Variants in CLIP4 observed in about 807,000 individuals in gnomAD.
The protein encoded by CLIP4 is CAP-Gly domain-containing linker protein 4.
A neutral mutation model predicts 73.1 loss-of-function variants in CLIP4; 47 were observed. The ratio of observed to expected loss-of-function variants is 0.64; its 90% CI spans 0.51 to 0.82. The LOEUF (loss-of-function observed/expected upper bound fraction) is 0.82. CLIP4 is among the 40% of genes least tolerant of loss of function. The probability of loss-of-function intolerance (pLI) is 0.00; values close to 1 mark genes in which losing one functional copy is unlikely to be tolerated. For missense variants in CLIP4, 874 were observed against 852.9 expected (o/e 1.02, Z -0.31); for synonymous variants, 306 against 295.4 (o/e 1.04, Z -0.37).
chr2:29,145,569 T>A (rs531805267), intron 8 of CLIP4, among the ~76,000 whole-genome samples: 18 of 152,250 alleles, frequency 1.2e-4, no homozygotes, highest in Non-Finnish European at 2.6e-4. Context: ...GGAGAAATGG[T>A]GGTTGCAGGA....
At position 29,182,668 on chromosome 2, in the gene CLIP4, T is replaced by G. The variant is rs1430836396; in HGVS notation, c.*775T>G. 1.3e-5 allele frequency: 2 copies of G among 152,620 alleles called. No individual in the cohort carries two copies. The highest frequency in any genetic ancestry group is 2.9e-5 in the Non-Finnish European group (2 of 68,024). The allele number at this position is 152,620 out of a possible 1,614,324, so 9.5% of individuals were successfully genotyped here. A position where few individuals can be genotyped will look rare whatever the true frequency, so the allele number is the denominator to read the frequency against. On this transcript the variant is annotated 3_prime_UTR_variant, in exon 16 of 16. Coordinates refer to ENST00000320081, the MANE Select transcript of CLIP4 (RefSeq NM_024692.6). ...CTGCTGCTTGACTGCTTCATCTGGA[T>G]GAACTACAAAAAACCCATGATTAAG...
Position 29,157,299 on chromosome 2 carries a change from A to C in CLIP4, c.1351A>C (p.Lys451Gln), listed in dbSNP as rs183991359. Residue 451 changes from lysine (K) to glutamine (Q), a missense_variant, in exon 11 of 16, where the codon AAG becomes CAG. Coordinates refer to ENST00000320081, the MANE Select transcript of CLIP4 (RefSeq NM_024692.6). ...GAAACAGAATGCAATCAGCAGTAAC[A>C]AGAAGACAATGAGCAAAAGCCCTTC... is the stretch of plus-strand genomic sequence containing the variant. ...PKKQNAISSNKKTMSKSPSLS... is the reference protein window; with the variant it reads ...PKKQNAISSNQKTMSKSPSLS... 5 of 1,614,126 alleles carry C rather than the reference A, an allele frequency of 3.1e-6. No homozygotes were observed. The Admixed American group carries it at 5.0e-5, about 16-fold the overall frequency.
In CLIP4 at chr2:29,131,235, A is replaced by AT. The variant is rs1390878380; in HGVS notation, c.134-20dup. The AT allele has an allele frequency of 1.9e-6, 3 of 1,554,536 alleles. No homozygotes were observed. The South Asian group carries it at 3.6e-5, about 18-fold the overall frequency. ...TTATTTGAAACTTTTAGTAAATTTA[A>AT]TTTGCATCTTTTTTTATTTCAGAAT... On this transcript the variant is annotated intron_variant, in intron 2 of 15. Coordinates refer to ENST00000320081, the MANE Select transcript of CLIP4 (RefSeq NM_024692.6).
chr2:29,125,193 G>A (rs6547911), intron 2 of CLIP4, among the ~76,000 whole-genome samples: 121,693 of 152,068 alleles, frequency 0.8, 48,968 homozygotes, highest in East Asian at 0.94. Context: ...CTACGGACTG[G>A]TACTGGTCCC....
At chr2:29,107,370 T>TGTTTTTTG (rs796768019) in intron 1 of CLIP4, among the ~76,000 whole-genome samples, 11 of 114,920 alleles carry the variant, frequency 9.6e-5, no homozygotes, top group African/African-American at 3.9e-4. Flanking sequence ...TTTTTTTTTT[T>TGTTTTTTG]TTTTTTTTTT....
At chr2:29,181,344 C>A (rs957378926) in intron 15 of CLIP4, among the ~76,000 whole-genome samples, 2 of 152,112 alleles carry the variant, frequency 1.3e-5, no homozygotes, top group African/African-American at 2.4e-5. Context: ...GTGGAAGAAA[C>A]TTCTGTGTAT....
At chr2:29,151,850 C>A (rs76308689) in intron 8 of CLIP4, among the ~76,000 whole-genome samples, 2 of 152,002 alleles carry the variant, frequency 1.3e-5, no homozygotes, top group South Asian at 2.1e-4. Flanking sequence ...TCTCTAATGT[C>A]GGTGCATACT....
Position 29,175,884 on chromosome 2 carries a change from C to T in CLIP4, c.1796+1439C>T, listed in dbSNP as rs567832391. Among the ~76,000 whole-genome samples, 196 of 152,122 alleles carry T rather than the reference C, an allele frequency of 1.3e-3. 1 individual carries two copies. Among genetic ancestry groups the T allele is most frequent in the African/African-American group, 4.6e-3 (189 of 41,514 alleles). On this transcript the variant is annotated intron_variant, in intron 15 of 15. Coordinates refer to ENST00000320081, the MANE Select transcript of CLIP4 (RefSeq NM_024692.6). ...TCACGCCATTCTTCTGTCTCAGCCT[C>T]CCAAGCAGCTGGGACTACAGGCGCC...
rs1213522443 is a variant in CLIP4 at position 29,115,786 on chromosome 2, A to C, written c.-16+121A>C. 3 of 150,484 alleles carry C rather than the reference A, an allele frequency of 2.0e-5. No individual in the cohort carries two copies. Among genetic ancestry groups the C allele is most frequent in the African/African-American group, 7.3e-5 (3 of 40,856 alleles). 9.3% of individuals were successfully genotyped at this position (150,484 alleles called of 1,614,324 possible). ...CAGTGGCCCCGGGAGGGTCGCGCAG[A>C]GGCGCTGGGGGCTGTGGAAGCCCCG... is the stretch of plus-strand genomic sequence containing the variant. On this transcript the variant is annotated intron_variant, in intron 1 of 15. Coordinates refer to ENST00000320081, the MANE Select transcript of CLIP4 (RefSeq NM_024692.6). The surrounding 1 kb of genome is among the most constrained non-coding windows in gnomAD (Gnocchi z 5.1).
intron 15 of CLIP4, among the ~76,000 whole-genome samples, chr2:29,177,094 C>T (rs1367734885): frequency 6.6e-6 from 1 of 152,010 alleles, no homozygotes; most frequent in Non-Finnish European, 1.5e-5. Context: ...AAACTGTATG[C>T]TTTTCAGGAG....
intron 1 of CLIP4, among the ~76,000 whole-genome samples, chr2:29,101,003 G>T (rs1245633802): frequency 6.6e-6 from 1 of 152,094 alleles, no homozygotes; most frequent in Non-Finnish European, 1.5e-5. Context: ...CAAAAGTAGG[G>T]AAGCCGCCCA....
intron 14 of CLIP4, among the ~76,000 whole-genome samples, chr2:29,168,509 G>T (rs774227408): frequency 3.2e-5 from 4 of 123,568 alleles, no homozygotes; most frequent in Admixed American, 2.5e-4. Context: ...GTTATGGTTT[G>T]CCCTTTTTTT....
chr2:29,145,627 G>T (rs190783304), intron 8 of CLIP4, among the ~76,000 whole-genome samples: 1 of 152,240 alleles, frequency 6.6e-6, no homozygotes, highest in East Asian at 1.9e-4. Flanking sequence ...ACTTGAAAGG[G>T]AAAAGGATTT....
chr2:29,135,688 G>C, intron 6 of CLIP4, 22 bp downstream of exon 6: 4 of 1,481,172 alleles, frequency 2.7e-6, no homozygotes, highest in Non-Finnish European at 3.7e-6. Context: ...AATTAAAAGT[G>C]AAAAATATTA....
intron 12 of CLIP4, among the ~76,000 whole-genome samples, chr2:29,162,826 A>G (rs1667375069): frequency 6.6e-6 from 1 of 152,162 alleles, no homozygotes; most frequent in African/African-American, 2.4e-5. Flanking sequence ...TACATAGAGG[A>G]AAAAAATTAA....
At chr2:29,102,631 C>CT (rs1304491469) in intron 1 of CLIP4, among the ~76,000 whole-genome samples, 1,617 of 145,426 alleles carry the variant, frequency 0.011, 20 homozygotes, top group African/African-American at 0.026. Context: ...CTTTTCTTTT[C>CT]TTTTTTTTTT....
At chr2:29,114,895 A>G (rs1668491509), upstream of CLIP4, 1 of 152,274 alleles carries the variant, frequency 6.6e-6, no homozygotes, top group Non-Finnish European at 1.5e-5. Flanking sequence ...CTTTCTTGTT[A>G]CCAGATGACA....
At chr2:29,181,242 A>G (rs1026925549) in intron 15 of CLIP4, among the ~76,000 whole-genome samples, 3 of 152,232 alleles carry the variant, frequency 2.0e-5, no homozygotes, top group African/African-American at 7.2e-5. Flanking sequence ...GCGGATCATC[A>G]TAAAGATCTT....
At position 29,163,911 on chromosome 2, in the gene CLIP4, T is replaced by A. The variant is rs1314563046; in HGVS notation, c.1615T>A (p.Ser539Thr). Reference protein sequence around the residue: ...SVGGVQYFSCSPRYGIFAPPS... With the variant: ...SVGGVQYFSCTPRYGIFAPPS... ...TGGAGGTGTGCAGTATTTTAGCTGT[T>A]CTCCAAGATATGGAATATTTGCTCC... Residue 539 changes from serine to threonine, a missense_variant, in exon 13 of 16, where the codon TCT becomes ACT. Physicochemically the swap from Ser to Thr is moderately conservative, Grantham distance 58. Transcript: ENST00000320081. 3 of 1,613,386 alleles carry A rather than the reference T, an allele frequency of 1.9e-6. No individual in the cohort carries two copies. The highest frequency in any genetic ancestry group is 2.5e-6 in the Non-Finnish European group (3 of 1,179,546).
Sources: gnomAD v4.1 joint callset for allele counts (sites outside exome capture counted in the v4.1 genomes callset) on GRCh38, gnomAD v4.1.1 for gene constraint, Gnocchi (gnomAD v3.1) non-coding constraint, MANE v1.5 for transcripts, NCBI Gene and HGNC (gene_info 2026-07-23, HGNC 2026-07-21) for gene names.